The following C3orf70 variants were observed in gnomAD, a reference collection of about 807,000 sequenced individuals.
C3orf70 encodes chromosome 3 open reading frame 70.
C3orf70 carries 15 observed loss-of-function variants against 20.7 expected under a neutral mutation model. That is an observed-to-expected ratio of 0.72 (90% CI 0.48 to 1.11). The LOEUF is 1.11. Ranked by LOEUF, C3orf70 falls within the 50% of genes most tolerant of loss-of-function variation. The pLI, the probability that C3orf70 is intolerant of heterozygous loss-of-function variation, is 0.00. For synonymous variants in C3orf70, 161 were observed against 125.7 expected, an observed-to-expected ratio of 1.28 and a Z score of -1.88; for missense variants, 332 against 317.6, an observed-to-expected ratio of 1.05 and a Z score of -0.34.
intron 1 of C3orf70, among the ~76,000 whole-genome samples, chr3:185,116,452 T>C (rs7635960): frequency 0.052 from 7,911 of 152,300 alleles, 670 homozygotes; most frequent in African/African-American, 0.18. Flanking sequence ...ATTCAGGGTT[T>C]CTGTTATTAT....
At chr3:185,129,730 T>C (rs1435972810) in intron 1 of C3orf70, among the ~76,000 whole-genome samples, 2 of 152,254 alleles carry the variant, frequency 1.3e-5, no homozygotes, top group Admixed American at 1.3e-4. Context: ...CTGTTGTTTC[T>C]TGACTTTTTA....
chr3:185,090,664 T>C (rs1321935008), intron 1 of C3orf70, among the ~76,000 whole-genome samples: 1 of 152,234 alleles, frequency 6.6e-6, no homozygotes, highest in African/African-American at 2.4e-5. Context: ...TTGAAAGTAA[T>C]GCTAAATATT....
chr3:185,085,098 A>G (rs1387562108), intron 1 of C3orf70, among the ~76,000 whole-genome samples: 2 of 152,150 alleles, frequency 1.3e-5, no homozygotes, highest in African/African-American at 2.4e-5. Flanking sequence ...AAATTCCCCA[A>G]CGGGTGAAAT....
intron 1 of C3orf70, among the ~76,000 whole-genome samples, chr3:185,118,343 G>C (rs1335246677): frequency 1.3e-5 from 2 of 152,142 alleles, no homozygotes; most frequent in Non-Finnish European, 2.9e-5. Context: ...CTCTGCTTCT[G>C]TGCTGACAAA....
intron 1 of C3orf70, among the ~76,000 whole-genome samples, chr3:185,123,805 C>G (rs1055716450): frequency 6.6e-6 from 1 of 152,006 alleles, no homozygotes; most frequent in Non-Finnish European, 1.5e-5. Context: ...TTACATGTTT[C>G]TCAAATAAAT....
chr3:185,087,507 T>C (rs547371449), intron 1 of C3orf70, among the ~76,000 whole-genome samples: 2 of 152,156 alleles, frequency 1.3e-5, no homozygotes, highest in Non-Finnish European at 2.9e-5. Context: ...TCCTGACCCA[T>C]GCTACAACTA....
chr3:185,133,523 A>G (rs1461103414), intron 1 of C3orf70, among the ~76,000 whole-genome samples: 1 of 152,120 alleles, frequency 6.6e-6, no homozygotes, highest in East Asian at 1.9e-4. Context: ...CAGGCGGATC[A>G]CCTGAGGTCA....
chr3:185,137,025 GT>G (rs1325637820), intron 1 of C3orf70, among the ~76,000 whole-genome samples: 1 of 152,180 alleles, frequency 6.6e-6, no homozygotes, highest in Non-Finnish European at 1.5e-5. Context: ...CTCTGATATG[GT>G]TTGGTTGTGT....
At chr3:185,103,265 C>G (rs1438418864) in intron 1 of C3orf70, among the ~76,000 whole-genome samples, 2 of 152,050 alleles carry the variant, frequency 1.3e-5, no homozygotes, top group Non-Finnish European at 2.9e-5. Flanking sequence ...TGGAAGACAA[C>G]CTAGGCAATA....
At chr3:185,138,349 T>G (rs1199050984) in intron 1 of C3orf70, among the ~76,000 whole-genome samples, 1 of 152,074 alleles carries the variant, frequency 6.6e-6, no homozygotes, top group Non-Finnish European at 1.5e-5. Context: ...TAATACCAGT[T>G]CTGCACATTT....
intron 1 of C3orf70, among the ~76,000 whole-genome samples, chr3:185,114,155 C>T (rs569002436): frequency 5.9e-5 from 9 of 152,126 alleles, no homozygotes; most frequent in East Asian, 1.9e-4. Flanking sequence ...GCCGAGATCA[C>T]GCCATTGCAC....
rs536417757 is a variant in C3orf70, at chr3:185,078,366, G to GA, written c.*4640dup. ...AGAGAACACTGCTTCAACCTTAATC[G>GA]AAAAAAGAAGTCATAGCACTAACTG... On this transcript the variant is annotated 3_prime_UTR_variant, in exon 2 of 2. Coordinates refer to ENST00000335012, the MANE Select transcript of C3orf70 (RefSeq NM_001025266.3). 4 of 152,252 alleles carry GA rather than the reference G, an allele frequency of 2.6e-5. No individual in the cohort carries two copies. The highest frequency in any genetic ancestry group is 1.3e-4 in the Admixed American group (2 of 15,270). The allele number at this position is 152,252 out of a possible 1,614,324, so 9.4% of individuals were successfully genotyped here.
rs193082414 is a variant in C3orf70, at chr3:185,141,665, T to C, written c.196+10963A>G. Among the ~76,000 whole-genome samples, 3 of 152,322 alleles carry C rather than the reference T, an allele frequency of 2.0e-5. No homozygotes were observed. The East Asian group carries it at 5.8e-4, about 29-fold the overall frequency. On this transcript the variant is annotated intron_variant, in intron 1 of 1. Coordinates refer to ENST00000335012, the MANE Select transcript of C3orf70 (RefSeq NM_001025266.3). ...AAAAAGCCAATCACAAAAGGTTATG[T>C]ACTCTATGTTTCCACTAACATTCTG...
chr3:185,091,651 G>C (rs895417920), intron 1 of C3orf70, among the ~76,000 whole-genome samples: 2 of 151,262 alleles, frequency 1.3e-5, no homozygotes, highest in Non-Finnish European at 2.9e-5. Context: ...AGACACACCT[G>C]GATATGAATC....
At chr3:185,109,648 G>A (rs62289773) in intron 1 of C3orf70, among the ~76,000 whole-genome samples, 9,174 of 152,264 alleles carry the variant, frequency 0.06, 386 homozygotes, top group South Asian at 0.11. Flanking sequence ...CACCACTGCC[G>A]TGAGTATTCC....
chr3:185,090,574 T>C (rs367760101), intron 1 of C3orf70, among the ~76,000 whole-genome samples: 30 of 152,282 alleles, frequency 2.0e-4, no homozygotes, highest in Admixed American at 5.2e-4. Context: ...CTGAGGTAAA[T>C]TGCATGCACA....
In C3orf70 at chr3:185,082,957, G is replaced by C; in HGVS notation, c.*50C>G. 6.5e-7 allele frequency: 1 copy of C among 1,550,074 alleles called. No individual in the cohort carries two copies. Among genetic ancestry groups the C allele is most frequent in the Non-Finnish European group, 8.7e-7 (1 of 1,144,344 alleles). On this transcript the variant is annotated 3_prime_UTR_variant, in exon 2 of 2. Transcript: ENST00000335012. Reference sequence around the variant, plus strand: ...TGGAAAAAAGGATCCACCAGACAAAGGTACAAAAGCTCGGCGTGGGTCCGA... The same window carrying C: ...TGGAAAAAAGGATCCACCAGACAAACGTACAAAAGCTCGGCGTGGGTCCGA...
chr3:185,131,634 A>G (rs1029247791), intron 1 of C3orf70, among the ~76,000 whole-genome samples: 15 of 152,256 alleles, frequency 9.9e-5, no homozygotes, highest in African/African-American at 3.4e-4. Context: ...AATGCTAGAA[A>G]AAAATTGTAA....
intron 1 of C3orf70, among the ~76,000 whole-genome samples, chr3:185,118,135 A>G (rs548857044): frequency 2.0e-5 from 3 of 152,220 alleles, no homozygotes; most frequent in African/African-American, 7.2e-5. Context: ...GCAGTATTAC[A>G]TTGTATATGT....
Sources: gnomAD v4.1 joint callset for allele counts (sites outside exome capture counted in the v4.1 genomes callset) on GRCh38, gnomAD v4.1.1 for gene constraint, MANE v1.5 for transcripts, NCBI Gene and HGNC (gene_info 2026-07-23, HGNC 2026-07-21) for gene names.